Variants in GIGYF2 observed in about 807,000 individuals in gnomAD.
The protein encoded by GIGYF2 is GRB10-interacting GYF protein 2.
A neutral mutation model predicts 208.1 loss-of-function variants in GIGYF2; 25 were observed. The ratio of observed to expected loss-of-function variants is 0.12; its 90% confidence interval spans 0.09 to 0.17. The LOEUF (loss-of-function observed/expected upper bound fraction) is 0.17, where lower values mean the gene tolerates loss of function less well. Ranked by LOEUF, GIGYF2 falls within the 10% of genes least tolerant of loss-of-function variation. The pLI is 1.00. For missense variants in GIGYF2, 1,302 were observed against 1,579.4 expected (o/e 0.82, Z 2.98); for synonymous variants, 534 against 543.8 (o/e 0.98, Z 0.25).
At chr2:232,772,023 C>T (rs1265397372) in intron 8 of GIGYF2, among the ~76,000 whole-genome samples, 1 of 152,140 alleles carries the variant, frequency 6.6e-6, no homozygotes, top group African/African-American at 2.4e-5. Flanking sequence ...CTTGCTCTGT[C>T]TCCTAGGCTG....
Position 232,860,467 on chromosome 2 carries a change from T to C in GIGYF2, c.*3607T>C, listed in dbSNP as rs1690735128. The C allele has an allele frequency of 6.7e-6, 1 of 150,214 alleles. No homozygotes were observed. The highest frequency in any genetic ancestry group is 2.1e-4 in the South Asian group (1 of 4,812). The allele number at this position is 150,214 out of a possible 1,614,324, so 9.3% of individuals were successfully genotyped here. ...ATATATAATATATACATATATGTTA[T>C]ATACGTATATATATTGCACCCTACT... is the stretch of plus-strand genomic sequence containing the variant. On this transcript the variant is annotated 3_prime_UTR_variant, in exon 29 of 29. Coordinates refer to ENST00000373563, the MANE Select transcript of GIGYF2 (RefSeq NM_001103146.3).
At position 232,843,991 on chromosome 2, in the gene GIGYF2, A is replaced by G. The variant is rs766703970; in HGVS notation, c.2890-55A>G. On this transcript the variant is annotated intron_variant, in intron 23 of 28. Transcript: ENST00000373563. Reference sequence around the variant, plus strand: ...ATTCCATTTAGTATACTGGATATTTATAACTATTATCTAAAAACAGGAATC... The same window carrying G: ...ATTCCATTTAGTATACTGGATATTTGTAACTATTATCTAAAAACAGGAATC... 1.2e-5 allele frequency: 18 copies of G among 1,528,312 alleles called. No homozygotes were observed. In the African/African-American group the frequency reaches 1.9e-4, roughly 16 times the overall value. 94.7% of individuals were successfully genotyped at this position (1,528,312 alleles called of 1,614,324 possible).
intron 8 of GIGYF2, among the ~76,000 whole-genome samples, chr2:232,778,989 C>T (rs1443934852): frequency 2.0e-5 from 3 of 152,104 alleles, no homozygotes; most frequent in African/African-American, 7.2e-5. Flanking sequence ...GAAGGCCCCT[C>T]CCTGTGCTTG....
chr2:232,735,278 C>CTA, intron 3 of GIGYF2, 40 bp downstream of exon 3: 1 of 1,387,718 alleles, frequency 7.2e-7, no homozygotes. Context: ...TATTGGATGA[C>CTA]TAATACAGTA....
At chr2:232,723,247 G>A (rs966630990) in intron 2 of GIGYF2, among the ~76,000 whole-genome samples, 9 of 152,040 alleles carry the variant, frequency 5.9e-5, no homozygotes, top group African/African-American at 1.9e-4. Flanking sequence ...TGTTTGTTCT[G>A]TGAAACCCTA....
At chr2:232,700,038 T>G (rs1467821543) in intron 1 of GIGYF2, among the ~76,000 whole-genome samples, 1 of 152,242 alleles carries the variant, frequency 6.6e-6, no homozygotes, top group East Asian at 1.9e-4. Context: ...ATGTCCTCTT[T>G]CATTTTAGTT....
At chr2:232,807,804 T>C (rs1434181970) in intron 15 of GIGYF2, among the ~76,000 whole-genome samples, 2 of 152,194 alleles carry the variant, frequency 1.3e-5, no homozygotes, top group Non-Finnish European at 2.9e-5. Flanking sequence ...ACTCCTGGGC[T>C]CAGGTGGTCC....
rs1003113596 is a variant in GIGYF2 at position 232,819,905 on chromosome 2, G to C, written c.2449G>C (p.Glu817Gln). ...AGAAGAGGAAGAAAGACAGCAGCAA[G>C]AAGAAGCTCTTAGAAGACTGGAAGA... ...QREEEERQQQEEALRRLEERR... is the reference protein window; with the variant it reads ...QREEEERQQQQEALRRLEERR... The change falls in exon 21 of 29, where the codon GAA (glutamate) becomes CAA (glutamine). Residue 817 changes from glutamate to glutamine, a missense_variant. Transcript: ENST00000373563. The C allele has an allele frequency of 5.0e-6, 8 of 1,591,226 alleles. No individual in the cohort carries two copies. Among genetic ancestry groups the C allele is most frequent in the South Asian group, 1.1e-5 (1 of 90,676 alleles).
Position 232,768,500 on chromosome 2 carries a change from C to G in GIGYF2, c.532+7064C>G, listed in dbSNP as rs1051985295. On this transcript the variant is annotated intron_variant, in intron 8 of 28. Transcript: ENST00000373563. ...ATTCAAAGTGAGAAGGATTTTCATG[C>G]TGGAGCAGAGTAGCCAGAGGACTTG... 19 of 1,614,036 alleles carry G rather than the reference C, an allele frequency of 1.2e-5. No individual in the cohort carries two copies. The highest frequency in any genetic ancestry group is 1.5e-5 in the Non-Finnish European group (18 of 1,179,990).
intron 17 of GIGYF2, among the ~76,000 whole-genome samples, chr2:232,812,095 G>A (rs777737222): frequency 1.3e-4 from 20 of 152,094 alleles, no homozygotes; most frequent in Non-Finnish European, 2.6e-4. Flanking sequence ...TTAAGATACG[G>A]ATATACAGTA....
intron 2 of GIGYF2, among the ~76,000 whole-genome samples, chr2:232,730,771 G>A (rs1351734223): frequency 6.8e-6 from 1 of 146,498 alleles, no homozygotes; most frequent in Non-Finnish European, 1.5e-5. Context: ...AGTGGCGGGC[G>A]CCTGTAGTCC....
intron 3 of GIGYF2, among the ~76,000 whole-genome samples, chr2:232,741,327 G>A (rs1021733545): frequency 6.6e-6 from 1 of 151,926 alleles, no homozygotes; most frequent in Non-Finnish European, 1.5e-5. Context: ...AGTATCTCTG[G>A]AATCTGTTCA....
intron 2 of GIGYF2, among the ~76,000 whole-genome samples, chr2:232,718,447 T>C (rs1696795149): frequency 6.6e-6 from 1 of 152,238 alleles, no homozygotes; most frequent in Non-Finnish European, 1.5e-5. Flanking sequence ...ATGAGTATAC[T>C]GCAGATTGGT....
chr2:232,800,271 T>C (rs941761906), intron 14 of GIGYF2, among the ~76,000 whole-genome samples: 1 of 152,246 alleles, frequency 6.6e-6, no homozygotes, highest in Non-Finnish European at 1.5e-5. Flanking sequence ...GGTCATGCAC[T>C]TAGATCTTTG....
chr2:232,788,454 G>A (rs1303479219), intron 9 of GIGYF2: 3 of 389,910 alleles, frequency 7.7e-6, no homozygotes, highest in African/African-American at 6.3e-5. Flanking sequence ...TCTCTAAAAG[G>A]CATCACTGCA....
intron 3 of GIGYF2, among the ~76,000 whole-genome samples, chr2:232,742,688 A>G (rs989146342): frequency 1.3e-5 from 2 of 152,212 alleles, no homozygotes; most frequent in African/African-American, 4.8e-5. Context: ...TCAGGGGAAG[A>G]CTTGAGAGAC....
At chr2:232,842,817 C>A (rs1049667360) in intron 23 of GIGYF2, 3 of 152,276 alleles carry the variant, frequency 2.0e-5, no homozygotes, top group Admixed American at 6.5e-5. Context: ...GATAATGTGC[C>A]AGTCTGATTT....
At chr2:232,836,318 A>ACT (rs1559160652) in intron 22 of GIGYF2, among the ~76,000 whole-genome samples, 14 of 37,036 alleles carry the variant, frequency 3.8e-4, no homozygotes, top group African/African-American at 1.6e-3. Context: ...ATATATATAT[A>ACT]TATATATATA....
chr2:232,796,307 A>G, intron 14 of GIGYF2, 86 bp downstream of exon 14: 2 of 919,960 alleles, frequency 2.2e-6, no homozygotes, highest in East Asian at 2.4e-5. Context: ...AATTTAAATT[A>G]TAGTAGAAAA....
Sources: allele counts gnomAD v4.1 joint callset (sites outside exome capture counted in the v4.1 genomes callset), GRCh38; gene constraint gnomAD v4.1.1; transcripts MANE v1.5; gene names NCBI Gene and HGNC (gene_info 2026-07-23, HGNC 2026-07-21).